PCCA: variants seen among roughly 807,000 people sequenced by gnomAD.
PCCA encodes the protein propionyl-CoA carboxylase subunit alpha.
A neutral mutation model predicts 101.3 loss-of-function variants in PCCA; 74 were observed. The ratio of observed to expected loss-of-function variants is 0.73; its 90% CI spans 0.61 to 0.89. The LOEUF is 0.89. Ranked by LOEUF, PCCA falls within the 40% of genes least tolerant of loss-of-function variation. PCCA has a pLI of 0.00. For missense variants in PCCA, 891 were observed against 907.0 expected (o/e 0.98, Z 0.23); for synonymous variants, 294 against 313.6 (o/e 0.94, Z 0.66).
intron 13 of PCCA, 141 bp from the exon 14 acceptor site, chr13:100,302,780 CAAT>C: frequency 1.4e-6 from 1 of 690,884 alleles, no homozygotes; most frequent in Non-Finnish European, 2.7e-6. Flanking sequence ...GCGTAAAAGA[CAAT>C]AATATTCTGA....
chr13:100,224,249 C>T (rs1391739681), intron 7 of PCCA, among the ~76,000 whole-genome samples: 2 of 152,240 alleles, frequency 1.3e-5, no homozygotes, highest in African/African-American at 4.8e-5. Context: ...GGTGGGCTGG[C>T]ACTGCTGGGT....
In PCCA at chr13:100,186,014, A is replaced by G. The variant is rs2152437596; in HGVS notation, c.469-23318A>G. Among the ~76,000 whole-genome samples the G allele has an allele frequency of 2.6e-5, 4 of 152,340 alleles. No homozygotes were observed. In the Middle Eastern group the frequency reaches 0.01, roughly 389 times the overall value. ...ATTGTGCATTTTCACTGTATTTATTATTAGAAGTTTGAGTCTTAAAAATTA... is the reference window on the plus strand; with the variant it reads ...ATTGTGCATTTTCACTGTATTTATTGTTAGAAGTTTGAGTCTTAAAAATTA... On this transcript the variant is annotated intron_variant, in intron 6 of 23. Transcript: ENST00000376285.
At chr13:100,235,365 T>C (rs1426363403) in intron 7 of PCCA, among the ~76,000 whole-genome samples, 1 of 151,788 alleles carries the variant, frequency 6.6e-6, no homozygotes, top group Non-Finnish European at 1.5e-5. Context: ...GTAATTCCTG[T>C]AGGTACTGGA....
chr13:100,450,744 A>G (rs2081164531), intron 21 of PCCA, among the ~76,000 whole-genome samples: 1 of 152,260 alleles, frequency 6.6e-6, no homozygotes, highest in African/African-American at 2.4e-5. Context: ...ATTTATGTAT[A>G]TAAAGTATAT....
intron 19 of PCCA, among the ~76,000 whole-genome samples, chr13:100,393,055 G>A (rs2076880378): frequency 6.6e-6 from 1 of 151,768 alleles, no homozygotes. Context: ...CTGAATGTTA[G>A]CAACCATCTG....
chr13:100,244,666 C>T (rs1260266401), intron 8 of PCCA, among the ~76,000 whole-genome samples: 1 of 151,872 alleles, frequency 6.6e-6, no homozygotes, highest in African/African-American at 2.4e-5. Flanking sequence ...CTAATCTGGG[C>T]ACTGAAATGC....
chr13:100,285,574 T>A (rs1370813616), intron 12 of PCCA, among the ~76,000 whole-genome samples: 2 of 152,170 alleles, frequency 1.3e-5, no homozygotes, highest in African/African-American at 4.8e-5. Context: ...CTACTCATGA[T>A]GTAAATGGCA....
chr13:100,255,187 G>C (rs2061998219), intron 8 of PCCA, among the ~76,000 whole-genome samples: 1 of 152,162 alleles, frequency 6.6e-6, no homozygotes. Flanking sequence ...TGGGTTACAT[G>C]TATTCACAGG....
rs535780791 is a variant in PCCA, at chr13:100,100,845, C to T, written c.106-2038C>T. Among the ~76,000 whole-genome samples the T allele has an allele frequency of 2.6e-5, 4 of 151,106 alleles. 1 individual carries two copies. The highest frequency in any genetic ancestry group is 7.3e-5 in the African/African-American group (3 of 41,130). ...TCTTTTTGCCCAGGCTGGAGTGCAA[C>T]GGTACAAACTTGGCTCACTGCAACC... is the stretch of plus-strand genomic sequence containing the variant. On this transcript the variant is annotated intron_variant, in intron 1 of 23. Coordinates refer to ENST00000376285, the MANE Select transcript of PCCA (RefSeq NM_000282.4).
In PCCA at chr13:100,523,918, A is replaced by T. The variant is rs191831846; in HGVS notation, c.2041-3757A>T. On this transcript the variant is annotated intron_variant, in intron 22 of 23. Coordinates refer to ENST00000376285, the MANE Select transcript of PCCA (RefSeq NM_000282.4). ...AAACGTGCGCACACATCCTGCAGGAACGGGCCCCGCACATGGGGGCGTCTG... is the reference window on the plus strand; with the variant it reads ...AAACGTGCGCACACATCCTGCAGGATCGGGCCCCGCACATGGGGGCGTCTG... Among the ~76,000 whole-genome samples the T allele has an allele frequency of 2.5e-3, 376 of 152,340 alleles. 3 individuals carry two copies. Among genetic ancestry groups the T allele is most frequent in the African/African-American group, 8.6e-3 (357 of 41,580 alleles).
At chr13:100,108,074 C>T (rs1209461978) in intron 2 of PCCA, among the ~76,000 whole-genome samples, 1 of 152,148 alleles carries the variant, frequency 6.6e-6, no homozygotes, top group Non-Finnish European at 1.5e-5. Context: ...AGTGCAGGGC[C>T]AGCTCAGTCC....
intron 6 of PCCA, among the ~76,000 whole-genome samples, chr13:100,206,063 G>T (rs61969184): frequency 0.013 from 1,987 of 152,066 alleles, 28 homozygotes; most frequent in South Asian, 0.055. Context: ...ATTTGCATAA[G>T]ATTTTTTTTT....
chr13:100,143,229 A>G (rs1221937961), intron 4 of PCCA, among the ~76,000 whole-genome samples: 3 of 152,044 alleles, frequency 2.0e-5, no homozygotes, highest in African/African-American at 4.8e-5. Flanking sequence ...GTCTTTAACT[A>G]TTGAGTTAAA....
At chr13:100,323,371 G>T (rs2068280346) in intron 16 of PCCA, among the ~76,000 whole-genome samples, 1 of 151,740 alleles carries the variant, frequency 6.6e-6, no homozygotes, top group African/African-American at 2.4e-5. Context: ...ACCCAGGCTG[G>T]AGTACAATGG....
At chr13:100,330,986 G>A (rs999292811) in intron 17 of PCCA, among the ~76,000 whole-genome samples, 2 of 152,158 alleles carry the variant, frequency 1.3e-5, no homozygotes, top group Admixed American at 6.5e-5. Context: ...AATCAGATTT[G>A]TATTTTCTAC....
intron 17 of PCCA, 98 bp from the exon 18 acceptor site, chr13:100,340,059 T>G: frequency 1.3e-6 from 1 of 777,452 alleles, no homozygotes; most frequent in Non-Finnish European, 2.3e-6. Flanking sequence ...AGATGCCCTA[T>G]AAAATACTTG....
intron 21 of PCCA, among the ~76,000 whole-genome samples, chr13:100,458,137 A>T (rs1034533644): frequency 6.6e-6 from 1 of 152,052 alleles, no homozygotes. Context: ...TAAACTTTCA[A>T]TCCAAGCATA....
intron 16 of PCCA, 56 bp from the exon 17 acceptor site, chr13:100,330,505 G>T: frequency 4.8e-6 from 5 of 1,046,930 alleles, no homozygotes; most frequent in Non-Finnish European, 6.0e-6. Context: ...CAGATTATCA[G>T]AATTCAATTT....
chr13:100,205,556 T>TTTG, intron 6 of PCCA, among the ~76,000 whole-genome samples: 1 of 149,752 alleles, frequency 6.7e-6, no homozygotes, highest in Non-Finnish European at 1.5e-5. Flanking sequence ...TTTTTTTTTT[T>TTTG]GACAATTTTA....
Sources: gnomAD v4.1 joint callset for allele counts (sites outside exome capture counted in the v4.1 genomes callset) on GRCh38, gnomAD v4.1.1 for gene constraint, MANE v1.5 for transcripts, NCBI Gene and HGNC (gene_info 2026-07-23, HGNC 2026-07-21) for gene names.